Variants in ASAP2 observed in about 807,000 individuals in gnomAD.
The protein encoded by ASAP2 is arf-GAP with SH3 domain, ANK repeat and PH domain-containing protein 2.
A neutral mutation model predicts 131.4 loss-of-function variants in ASAP2; 45 were observed. The ratio of observed to expected loss-of-function variants is 0.34; its 90% CI spans 0.27 to 0.44. The LOEUF is 0.44. ASAP2 is among the 20% of genes least tolerant of loss of function. ASAP2 has a pLI of 1.00. For synonymous variants in ASAP2, 510 were observed against 503.0 expected (o/e 1.01, Z -0.19); for missense variants, 1,011 against 1,297.0 (o/e 0.78, Z 3.39).
chr2:9,274,265 CT>C (rs1366111786), intron 1 of ASAP2, among the ~76,000 whole-genome samples: 1 of 149,962 alleles, frequency 6.7e-6, no homozygotes, highest in African/African-American at 2.4e-5. Flanking sequence ...CTAGCTAGGA[CT>C]TCCAGTGCTG....
chr2:9,276,849 T>A (rs2148293659), intron 1 of ASAP2, among the ~76,000 whole-genome samples: 2 of 152,260 alleles, frequency 1.3e-5, no homozygotes, highest in South Asian at 2.1e-4. Flanking sequence ...CTCTTTCTTC[T>A]TTATTCGTGA....
chr2:9,304,000 T>C (rs1411591450), intron 3 of ASAP2, among the ~76,000 whole-genome samples: 1 of 152,198 alleles, frequency 6.6e-6, no homozygotes, highest in Non-Finnish European at 1.5e-5. Flanking sequence ...AACTCCTGCC[T>C]GGGCAGGGGA....
rs767717757 is a variant in ASAP2 at position 9,334,785 on chromosome 2, T to C, written c.734T>C (p.Ile245Thr). The C allele has an allele frequency of 6.2e-7, 1 of 1,614,188 alleles. No individual in the cohort carries two copies. The highest frequency in any genetic ancestry group is 8.5e-7 in the Non-Finnish European group (1 of 1,180,006). ...GCCGTGGAAAGCCTCAAACCTTCCA[T>C]TGAAACGCTGTCTACGGATCTTCAC... is the stretch of plus-strand genomic sequence containing the variant. ...LKAVESLKPS[I>T]ETLSTDLHTI... The change falls in exon 8 of 28, where the codon ATT (isoleucine) becomes ACT (threonine). Residue 245 changes from isoleucine to threonine, a missense_variant. Physicochemically the swap from Ile to Thr is moderately conservative, Grantham distance 89. Around this residue, in one of 2 missense-constraint regions of ASAP2, gnomAD observed 359 missense variants for 598.1 expected, o/e 0.60. Coordinates refer to ENST00000281419, the MANE Select transcript of ASAP2 (RefSeq NM_003887.3).
chr2:9,368,480 C>T lies in ASAP2; in HGVS notation c.1517C>T (p.Pro506Leu). 3 of 1,614,110 alleles carry T rather than the reference C, an allele frequency of 1.9e-6. No individual in the cohort carries two copies. Among genetic ancestry groups the T allele is most frequent in the Middle Eastern group, 1.6e-4 (1 of 6,062 alleles). The change falls in exon 16 of 28, where the codon CCA becomes CTA. Residue 506 changes from proline (P) to leucine (L), a missense_variant. Pro to Leu is a moderately conservative substitution (Grantham distance 98). Transcript: ENST00000281419. ...GFNEIMECCL[P>L]AEDSVKPNPG... ...AATGAGATCATGGAATGTTGCCTAC[C>T]AGCTGAGGACTCAGTCAAACCCAAC... is the stretch of plus-strand genomic sequence containing the variant.
intron 9 of ASAP2, among the ~76,000 whole-genome samples, chr2:9,339,062 C>A (rs1349679530): frequency 2.0e-5 from 3 of 152,118 alleles, no homozygotes; most frequent in Non-Finnish European, 4.4e-5. Context: ...ACGTGTAGTC[C>A]CAGCTACCCG....
chr2:9,384,237 C>T (rs1156501346), intron 20 of ASAP2, among the ~76,000 whole-genome samples: 1 of 152,224 alleles, frequency 6.6e-6, no homozygotes, highest in African/African-American at 2.4e-5. Flanking sequence ...TTGATTCAAA[C>T]TTACACCACA....
intron 3 of ASAP2, among the ~76,000 whole-genome samples, chr2:9,305,576 GA>G (rs1462579850): frequency 5.7e-5 from 8 of 139,316 alleles, no homozygotes; most frequent in East Asian, 2.1e-4. Context: ...CTGTAGTAGT[GA>G]GGTATAGATA....
intron 1 of ASAP2, among the ~76,000 whole-genome samples, chr2:9,278,195 TCC>T (rs1666877686): frequency 2.6e-5 from 4 of 152,168 alleles, no homozygotes; most frequent in Non-Finnish European, 4.4e-5. Flanking sequence ...AAATGTTGTC[TCC>T]CTCCAGTCAC....
chr2:9,264,422 C>T (rs773026756), intron 1 of ASAP2, among the ~76,000 whole-genome samples: 1 of 152,138 alleles, frequency 6.6e-6, no homozygotes, highest in Non-Finnish European at 1.5e-5. Flanking sequence ...CCAGTGTGTC[C>T]GGGCCTCTGC....
intron 20 of ASAP2, among the ~76,000 whole-genome samples, chr2:9,384,774 G>A (rs1186162042): frequency 6.6e-6 from 1 of 152,254 alleles, no homozygotes. Context: ...TGAAGCTCGA[G>A]AACCAGTCCT....
chr2:9,252,552 C>G (rs188803029), intron 1 of ASAP2, among the ~76,000 whole-genome samples: 9 of 151,004 alleles, frequency 6.0e-5, no homozygotes, highest in Non-Finnish European at 1.2e-4. Flanking sequence ...CCAGCCTGGG[C>G]GACAAAGTGA....
chr2:9,229,322 T>C (rs1035258372), intron 1 of ASAP2, among the ~76,000 whole-genome samples: 1 of 152,134 alleles, frequency 6.6e-6, no homozygotes, highest in Admixed American at 6.5e-5. Context: ...TGCTCAGTGG[T>C]GCCCGCCACA....
chr2:9,314,212 G>A (rs1326564843), intron 3 of ASAP2, among the ~76,000 whole-genome samples: 1 of 152,116 alleles, frequency 6.6e-6, no homozygotes, highest in East Asian at 1.9e-4. Flanking sequence ...TCGAACTCCT[G>A]ACCTCAGGTG....
At chr2:9,235,251 G>A (rs916519173) in intron 1 of ASAP2, among the ~76,000 whole-genome samples, 8 of 152,198 alleles carry the variant, frequency 5.3e-5, no homozygotes, top group Non-Finnish European at 7.3e-5. Flanking sequence ...GGACCACACA[G>A]ATGGCTGGTC....
At chr2:9,365,636 C>T (rs942841522) in intron 15 of ASAP2, among the ~76,000 whole-genome samples, 6 of 152,182 alleles carry the variant, frequency 3.9e-5, no homozygotes, top group African/African-American at 1.4e-4. Flanking sequence ...GGGAGATGCC[C>T]ACACACAGAC....
At chr2:9,263,878 C>A (rs959404831) in intron 1 of ASAP2, among the ~76,000 whole-genome samples, 5 of 152,048 alleles carry the variant, frequency 3.3e-5, no homozygotes, top group Non-Finnish European at 7.4e-5. Flanking sequence ...TTTTTTTCTC[C>A]ATTTTTTTCC....
At chr2:9,325,631 G>A (rs1005973295) in intron 6 of ASAP2, among the ~76,000 whole-genome samples, 2 of 152,176 alleles carry the variant, frequency 1.3e-5, no homozygotes, top group African/African-American at 4.8e-5. Flanking sequence ...TTCCCCACTT[G>A]GCTCTGTCGT....
At chr2:9,235,477 G>A (rs923793931) in intron 1 of ASAP2, among the ~76,000 whole-genome samples, 1 of 152,206 alleles carries the variant, frequency 6.6e-6, no homozygotes. Context: ...AGCAGAGGCC[G>A]GATGTGTAAA....
At chr2:9,361,712 C>T (rs780421119) in intron 15 of ASAP2, among the ~76,000 whole-genome samples, 153 of 152,154 alleles carry the variant, frequency 1.0e-3, no homozygotes, top group Admixed American at 2.7e-3. Flanking sequence ...AGACTACAGG[C>T]AAGTGCTACC....
Sources: gnomAD v4.1 joint callset for allele counts (sites outside exome capture counted in the v4.1 genomes callset) on GRCh38, gnomAD v4.1.1 for gene constraint, gnomAD v4.1.1 regional missense constraint, MANE v1.5 for transcripts, NCBI Gene and HGNC (gene_info 2026-07-23, HGNC 2026-07-21) for gene names.